The following VASH1 variants were observed in gnomAD, a reference collection of about 807,000 sequenced individuals.
The protein encoded by VASH1 is tubulinyl-Tyr carboxypeptidase 1.
A neutral mutation model predicts 35.0 loss-of-function variants in VASH1; 16 were observed. That is an observed-to-expected ratio of 0.46 (90% CI 0.31 to 0.70). The LOEUF (loss-of-function observed/expected upper bound fraction) is 0.70, where lower values mean the gene tolerates loss of function less well. Ranked by LOEUF, VASH1 falls within the 30% of genes least tolerant of loss-of-function variation. The pLI is 0.05. For missense variants in VASH1, 505 were observed against 510.7 expected (o/e 0.99, Z 0.11); for synonymous variants, 214 against 200.9 (o/e 1.07, Z -0.55).
intron 5 of VASH1, among the ~76,000 whole-genome samples, chr14:76,776,666 T>C (rs1024012623): frequency 1.3e-5 from 2 of 152,094 alleles, no homozygotes; most frequent in Non-Finnish European, 1.5e-5. Context: ...AGTCAGACCA[T>C]GTGGAAGACA....
rs761449093 is a variant in VASH1, at chr14:76,776,216, G to C, written c.855G>C (p.Leu285=). Residue 285 remains leucine (L), a synonymous_variant, in exon 5 of 7, where the codon CTG becomes CTC. Coordinates refer to ENST00000167106, the MANE Select transcript of VASH1 (RefSeq NM_014909.5). ...ACTCGGTGCTGGACGTGGAGCGCCT[G>C]GGCCGCGATGACTTCCGCAAGGAGC... is the stretch of plus-strand genomic sequence containing the variant. The part of the protein sequence containing the change: ...WKHSVLDVER[L]GRDDFRKELE... The C allele has an allele frequency of 1.9e-6, 3 of 1,609,136 alleles. No homozygotes were observed. Among genetic ancestry groups the C allele is most frequent in the Admixed American group, 3.3e-5 (2 of 59,950 alleles).
At position 76,761,690 on chromosome 14, in the gene VASH1, C is replaced by CGCCG. The variant is rs1374162326; in HGVS notation, c.-1127_-1124dup. Among the ~76,000 whole-genome samples the CGCCG allele has an allele frequency of 6.6e-6, 1 of 151,902 alleles. No individual in the cohort carries two copies. Among genetic ancestry groups the CGCCG allele is most frequent in the Non-Finnish European group, 1.5e-5 (1 of 67,916 alleles). The stretch of plus-strand genomic sequence containing the variant: ...TTCGTCACTCGCCTCCAGCTACATC[C>CGCCG]GCCGGCCGAGGCTGCGCGAGCCTCC... On this transcript the variant is annotated 5_prime_UTR_variant, in exon 1 of 7. Transcript: ENST00000167106.
rs1894081364 is a variant in VASH1 at position 76,780,699 on chromosome 14, A to G, written c.*1681A>G. On this transcript the variant is annotated 3_prime_UTR_variant, in exon 7 of 7. Coordinates refer to ENST00000167106, the MANE Select transcript of VASH1 (RefSeq NM_014909.5). ...ATTGTCTGCTTTGTCAGAGGCCAGA[A>G]TTCTGACTTTTTATGTGAAATAGGA... is the stretch of plus-strand genomic sequence containing the variant. 1 of 152,248 alleles carries G rather than the reference A, an allele frequency of 6.6e-6. No homozygotes were observed. Among genetic ancestry groups the G allele is most frequent in the African/African-American group, 2.4e-5 (1 of 41,468 alleles). The allele number at this position is 152,248 out of a possible 1,614,324, so 9.4% of individuals were successfully genotyped here.
intron 1 of VASH1, chr14:76,769,757 C>A: frequency 1.6e-6 from 1 of 626,672 alleles, no homozygotes. Flanking sequence ...GCTGTTAAGT[C>A]CCAGGAGGGA....
intron 1 of VASH1, among the ~76,000 whole-genome samples, chr14:76,765,314 C>T (rs1893613808): frequency 6.6e-6 from 1 of 152,174 alleles, no homozygotes; most frequent in South Asian, 2.1e-4. Flanking sequence ...TGTGTTGTGA[C>T]AGACCCCTAG....
At chr14:76,769,588 G>A in intron 1 of VASH1, 2 of 848,574 alleles carry the variant, frequency 2.4e-6, no homozygotes, top group South Asian at 1.6e-5. Flanking sequence ...TTGAACCAGA[G>A]CAAACTTCAA....
rs990760711 is a variant in VASH1, at chr14:76,762,679, A to G, written c.-143A>G. The G allele has an allele frequency of 3.1e-6, 2 of 641,584 alleles. No homozygotes were observed. The highest frequency in any genetic ancestry group is 4.1e-5 in the Admixed American group (1 of 24,240). The allele number at this position is 641,584 out of a possible 1,614,324, so 39.7% of individuals were successfully genotyped here. A position where few individuals can be genotyped will look rare whatever the true frequency, so the allele number is the denominator to read the frequency against. The stretch of plus-strand genomic sequence containing the variant: ...GCACTGATTTTTTTTATCAAGTCGT[A>G]TTTTATTGTACAGGAGCCACGCCCT... On this transcript the variant is annotated 5_prime_UTR_variant, in exon 1 of 7. Transcript: ENST00000167106.
rs1184597793 is a variant in VASH1, at chr14:76,779,643, A to G, written c.*625A>G. 3.3e-6 allele frequency: 2 copies of G among 610,796 alleles called. No homozygotes were observed. The highest frequency in any genetic ancestry group is 5.8e-5 in the Admixed American group (2 of 34,602). 37.8% of individuals were successfully genotyped at this position (610,796 alleles called of 1,614,324 possible). The stretch of plus-strand genomic sequence containing the variant: ...GCTCAGGAGAGCCTTCAGGCCCTTG[A>G]GGCCCCCATGGGCAGTGCTGTGTGG... On this transcript the variant is annotated 3_prime_UTR_variant, in exon 7 of 7. Transcript: ENST00000167106.
chr14:76,775,274 C>T (rs1893903659), intron 4 of VASH1, among the ~76,000 whole-genome samples: 1 of 152,150 alleles, frequency 6.6e-6, no homozygotes, highest in Non-Finnish European at 1.5e-5. Flanking sequence ...CCAACTTTGG[C>T]AGGCAGGGGA....
rs1055056794 is a variant in VASH1, at chr14:76,769,783, G to A, written c.310-180G>A. The A allele has an allele frequency of 3.2e-5, 22 of 681,588 alleles. No individual in the cohort carries two copies. The African/African-American group carries it at 3.6e-4, about 11-fold the overall frequency. The allele number at this position is 681,588 out of a possible 1,614,324, so 42.2% of individuals were successfully genotyped here. ...CCAGGAGGGAAGGAATGGCTGGGCT[G>A]GGGCCCTGGCAAGAGTCTTCGAATG... On this transcript the variant is annotated intron_variant, in intron 1 of 6. Coordinates refer to ENST00000167106, the MANE Select transcript of VASH1 (RefSeq NM_014909.5).
intron 4 of VASH1, 28 bp downstream of exon 4, chr14:76,773,239 G>T: frequency 1.2e-6 from 2 of 1,608,048 alleles, no homozygotes; most frequent in Non-Finnish European, 1.7e-6. Flanking sequence ...AAGGGGAGGG[G>T]TCCGGGCTTC....
chr14:76,775,882 C>A lies in VASH1; in HGVS notation c.531-10C>A. The A allele has an allele frequency of 6.4e-7, 1 of 1,553,556 alleles. No homozygotes were observed. Among genetic ancestry groups the A allele is most frequent in the African/African-American group, 1.3e-5 (1 of 74,216 alleles). ...TCTCCTGGCTCTTTCCTTAGCGGGG[C>A]ACTGGCCAGTTACCTCACCAACAGC... is the stretch of plus-strand genomic sequence containing the variant. On this transcript the variant is annotated splice_polypyrimidine_tract_variant and intron_variant, in intron 4 of 6. Coordinates refer to ENST00000167106, the MANE Select transcript of VASH1 (RefSeq NM_014909.5).
rs1022739276 is a variant in VASH1, at chr14:76,761,659, C to T, written c.-1163C>T. ...CAGGCACCAGCGCAGCGCGCGCTCG[C>T]CCGGCTTCGTCACTCGCCTCCAGCT... On this transcript the variant is annotated 5_prime_UTR_variant, in exon 1 of 7. Coordinates refer to ENST00000167106, the MANE Select transcript of VASH1 (RefSeq NM_014909.5). Among the ~76,000 whole-genome samples, 1 of 151,866 alleles carries T rather than the reference C, an allele frequency of 6.6e-6. No homozygotes were observed. The highest frequency in any genetic ancestry group is 1.9e-4 in the East Asian group (1 of 5,180).
chr14:76,768,683 C>T (rs569236126), intron 1 of VASH1, among the ~76,000 whole-genome samples: 20 of 152,190 alleles, frequency 1.3e-4, no homozygotes, highest in African/African-American at 4.8e-4. Flanking sequence ...CTCCACCACT[C>T]GAGAGCCTCC....
rs1243859409 is a variant in VASH1 at position 76,780,139 on chromosome 14, TGA to T, written c.*1124_*1125del. ...GTTGTCCCCAGCCTGCCCGTCAGCA[TGA>T]GATACCCAGTGGGAAAGTGAGAGGA... On this transcript the variant is annotated 3_prime_UTR_variant, in exon 7 of 7. Coordinates refer to ENST00000167106, the MANE Select transcript of VASH1 (RefSeq NM_014909.5). The T allele has an allele frequency of 3.2e-5, 5 of 153,920 alleles. No homozygotes were observed. The highest frequency in any genetic ancestry group is 1.2e-4 in the African/African-American group (5 of 41,412). 9.5% of individuals were successfully genotyped at this position (153,920 alleles called of 1,614,324 possible).
At chr14:76,767,728 A>G (rs1238716885) in intron 1 of VASH1, among the ~76,000 whole-genome samples, 1 of 152,244 alleles carries the variant, frequency 6.6e-6, no homozygotes, top group Non-Finnish European at 1.5e-5. Flanking sequence ...CTATGTAGGT[A>G]ATGAACATTC....
At chr14:76,772,807 G>A (rs932782678) in intron 3 of VASH1, among the ~76,000 whole-genome samples, 1 of 152,260 alleles carries the variant, frequency 6.6e-6, no homozygotes, top group Non-Finnish European at 1.5e-5. Context: ...CAGCCTGGTG[G>A]CTGGAGAGAA....
chr14:76,776,061 C>T lies in VASH1; in HGVS notation c.700C>T (p.Arg234Cys), dbSNP rs1156596589. 1 of 1,610,066 alleles carries T rather than the reference C, an allele frequency of 6.2e-7. No homozygotes were observed. The highest frequency in any genetic ancestry group is 8.5e-7 in the Non-Finnish European group (1 of 1,179,490). The change falls in exon 5 of 7, where the codon CGC becomes TGC. Residue 234 changes from arginine (R) to cysteine (C), a missense_variant. Coordinates refer to ENST00000167106, the MANE Select transcript of VASH1 (RefSeq NM_014909.5). ...EDLMYKPPAF[R>C]TLSELVLDFE... ...CCTGATGTACAAGCCGCCCGCCTTC[C>T]GCACGCTCAGCGAGCTCGTGCTGGA...
chr14:76,778,141 CT>C (rs1194367789), intron 6 of VASH1, 70 bp downstream of exon 6: 65,291 of 849,068 alleles, frequency 0.077, 3 homozygotes, highest in South Asian at 0.11. Context: ...GTGTGGGTCC[CT>C]TTTTTTTTTT....
Sources: gnomAD v4.1 joint callset for allele counts (sites outside exome capture counted in the v4.1 genomes callset) on GRCh38, gnomAD v4.1.1 for gene constraint, MANE v1.5 for transcripts, NCBI Gene and HGNC (gene_info 2026-07-23, HGNC 2026-07-21) for gene names.